Variants in GRID2 observed in about 807,000 individuals in gnomAD.
The protein encoded by GRID2 is glutamate ionotropic receptor delta type subunit 2.
A neutral mutation model predicts 114.8 loss-of-function variants in GRID2; 33 were observed. The observed-to-expected ratio is 0.29, with a 90% CI of 0.22 to 0.38. The LOEUF (loss-of-function observed/expected upper bound fraction) is 0.38, where lower values mean the gene tolerates loss of function less well. Ranked by LOEUF, GRID2 falls within the 10% of genes least tolerant of loss-of-function variation. The pLI is 1.00. For missense variants in GRID2, 1,184 were observed against 1,257.7 expected (o/e 0.94, Z 0.89); for synonymous variants, 505 against 449.9 (o/e 1.12, Z -1.55).
At chr4:93,316,248 G>GA (rs888517604) in intron 8 of GRID2, among the ~76,000 whole-genome samples, 5 of 138,282 alleles carry the variant, frequency 3.6e-5, no homozygotes, top group South Asian at 2.3e-4. Flanking sequence ...AACAAGGCAA[G>GA]AAAAAAAAGA....
At position 92,737,702 on chromosome 4, in the gene GRID2, T is replaced by G. The variant is rs566188723; in HGVS notation, c.244+147416T>G. 3.9e-5 allele frequency among the ~76,000 whole-genome samples: 6 copies of G among 152,268 alleles called. No individual in the cohort carries two copies. In the South Asian group the frequency reaches 8.3e-4, roughly 21 times the overall value. ...ATTATATATGCCAAAATTTATAGAA[T>G]AAACAGATACCTCTTACAGATCTAT... On this transcript the variant is annotated intron_variant, in intron 2 of 15. Transcript: ENST00000282020.
rs188930356 is a variant in GRID2, at chr4:93,367,144, C to T, written c.1246-28463C>T. On this transcript the variant is annotated intron_variant, in intron 8 of 15. Transcript: ENST00000282020. Reference sequence around the variant, plus strand: ...GTTGTTTCAAATTATTTGAGAATTTCTCATTTATCTTTCTCTAACTTGAAT... The same window carrying T: ...GTTGTTTCAAATTATTTGAGAATTTTTCATTTATCTTTCTCTAACTTGAAT... Among the ~76,000 whole-genome samples, 364 of 148,360 alleles carry T rather than the reference C, an allele frequency of 2.5e-3. 1 individual carries two copies. Among genetic ancestry groups the T allele is most frequent in the African/African-American group, 8.6e-3 (347 of 40,396 alleles).
chr4:92,633,964 A>AGAT (rs1348631026), intron 2 of GRID2, among the ~76,000 whole-genome samples: 3 of 152,026 alleles, frequency 2.0e-5, no homozygotes, highest in African/African-American at 7.2e-5. Flanking sequence ...GAACTGAAAT[A>AGAT]GATAAGCACA....
intron 14 of GRID2, among the ~76,000 whole-genome samples, chr4:93,768,795 T>G (rs750481583): frequency 6.6e-6 from 1 of 152,188 alleles, no homozygotes; most frequent in Non-Finnish European, 1.5e-5. Context: ...ATTAAGATCC[T>G]GAGTATCATT....
chr4:93,256,656 A>G (rs1187535997), intron 8 of GRID2, among the ~76,000 whole-genome samples: 1 of 151,970 alleles, frequency 6.6e-6, no homozygotes, highest in Admixed American at 6.6e-5. Context: ...AGATAGAAAT[A>G]GAGATAATAT....
intron 1 of GRID2, among the ~76,000 whole-genome samples, chr4:92,471,248 C>A (rs1234723089): frequency 6.6e-6 from 1 of 151,976 alleles, no homozygotes; most frequent in African/African-American, 2.4e-5. Context: ...TGTTGATCTG[C>A]AAAATATTCT....
intron 1 of GRID2, among the ~76,000 whole-genome samples, chr4:92,361,887 T>C (rs1579239415): frequency 6.6e-6 from 1 of 152,104 alleles, no homozygotes; most frequent in Non-Finnish European, 1.5e-5. Context: ...CATTCTAGGA[T>C]CATCAACTCA....
intron 14 of GRID2, among the ~76,000 whole-genome samples, chr4:93,766,935 A>G (rs1413441310): frequency 1.3e-5 from 2 of 152,174 alleles, no homozygotes; most frequent in African/African-American, 4.8e-5. Context: ...GAAGCTTTAC[A>G]CCTATCGACG....
chr4:92,721,407 C>A (rs1735803779), intron 2 of GRID2, among the ~76,000 whole-genome samples: 1 of 152,064 alleles, frequency 6.6e-6, no homozygotes, highest in African/African-American at 2.4e-5. Context: ...CATGAAATTT[C>A]AGTTTTCTGA....
intron 2 of GRID2, among the ~76,000 whole-genome samples, chr4:93,007,662 C>T (rs1721692224): frequency 6.6e-6 from 1 of 151,964 alleles, no homozygotes; most frequent in Non-Finnish European, 1.5e-5. Flanking sequence ...TCGTAGATCC[C>T]AGGCTAAAAC....
At chr4:92,424,476 A>G (rs1184485285) in intron 1 of GRID2, among the ~76,000 whole-genome samples, 1 of 152,002 alleles carries the variant, frequency 6.6e-6, no homozygotes, top group Non-Finnish European at 1.5e-5. Flanking sequence ...TGGGAGTGAG[A>G]AATATTTTGG....
intron 1 of GRID2, among the ~76,000 whole-genome samples, chr4:92,487,642 C>T (rs974607138): frequency 4.6e-5 from 7 of 152,084 alleles, no homozygotes; most frequent in African/African-American, 1.7e-4. Flanking sequence ...ATCCCACTCC[C>T]CTGTTTTCCC....
chr4:92,402,060 A>G (rs1362189191), intron 1 of GRID2, among the ~76,000 whole-genome samples: 1 of 152,162 alleles, frequency 6.6e-6, no homozygotes, highest in Non-Finnish European at 1.5e-5. Context: ...TCTCTATCTC[A>G]AGAAACCACT....
At chr4:92,905,697 C>T (rs958099382) in intron 2 of GRID2, among the ~76,000 whole-genome samples, 3 of 152,108 alleles carry the variant, frequency 2.0e-5, no homozygotes, top group African/African-American at 7.2e-5. Context: ...GGGCTAGAAG[C>T]TCCAATATTG....
chr4:93,782,014 G>T (rs931939936), intron 1 of GRID2, among the ~76,000 whole-genome samples: 1 of 152,100 alleles, frequency 6.6e-6, no homozygotes, highest in Non-Finnish European at 1.5e-5. Flanking sequence ...ATTGACTTTG[G>T]ATTGTATTAA....
At chr4:93,223,890 A>G (rs1745176841) in intron 6 of GRID2, among the ~76,000 whole-genome samples, 1 of 152,164 alleles carries the variant, frequency 6.6e-6, no homozygotes, top group Non-Finnish European at 1.5e-5. Flanking sequence ...AAAATTGGCT[A>G]TAATTTATTT....
At chr4:93,600,978 A>G (rs1473307391) in intron 13 of GRID2, among the ~76,000 whole-genome samples, 1 of 152,238 alleles carries the variant, frequency 6.6e-6, no homozygotes, top group Non-Finnish European at 1.5e-5. Context: ...CAAATCTGTC[A>G]TGGTGAGAGA....
rs542244779 is a variant in GRID2, at chr4:93,515,494, GTTTTGTT to G, written c.2193+95_2193+101del. 4.8e-5 allele frequency: 46 copies of G among 954,806 alleles called. No individual in the cohort carries two copies. The African/African-American group carries it at 4.8e-4, about 10-fold the overall frequency. 59.1% of individuals were successfully genotyped at this position (954,806 alleles called of 1,614,324 possible). ...TGCGCAGTTGAGATTTGTTTTTTTT[GTTTTGTT>G]TTTTGTTTTTTATCTTTAATGCTGA... On this transcript the variant is annotated intron_variant, in intron 13 of 15. Transcript: ENST00000282020.
chr4:93,750,870 G>A (rs1004662517), intron 14 of GRID2, among the ~76,000 whole-genome samples: 1 of 152,210 alleles, frequency 6.6e-6, no homozygotes, highest in Non-Finnish European at 1.5e-5. Context: ...CCTAGCCAGT[G>A]ATCTTCTCAA....
Sources: gnomAD v4.1 joint callset for allele counts (sites outside exome capture counted in the v4.1 genomes callset) on GRCh38, gnomAD v4.1.1 for gene constraint, MANE v1.5 for transcripts, NCBI Gene and HGNC (gene_info 2026-07-23, HGNC 2026-07-21) for gene names.